Variants in CACNG2 observed in about 807,000 individuals in gnomAD.
CACNG2 encodes calcium voltage-gated channel auxiliary subunit gamma 2, also known as voltage-dependent calcium channel gamma-2 subunit.
CACNG2 carries 3 observed loss-of-function variants against 25.9 expected under a neutral mutation model. The observed-to-expected ratio is 0.12, with a 90% CI of 0.05 to 0.30. CACNG2 has a LOEUF of 0.30. Among genes scored for constraint, CACNG2 ranks in the 10% least tolerant of loss-of-function variants. The pLI is 1.00. For synonymous variants in CACNG2, 167 were observed against 173.3 expected, an observed-to-expected ratio of 0.96 and a Z score of 0.29; for missense variants, 341 against 432.5, an observed-to-expected ratio of 0.79 and a Z score of 1.88.
At chr22:36,653,576 G>A (rs1156869618) in intron 1 of CACNG2, among the ~76,000 whole-genome samples, 1 of 129,804 alleles carries the variant, frequency 7.7e-6, no homozygotes, top group East Asian at 1.9e-4. Flanking sequence ...AGAGGCTGTG[G>A]TGTCCAGCCT....
chr22:36,565,687 G>A (rs965466414), intron 3 of CACNG2, among the ~76,000 whole-genome samples: 5 of 152,244 alleles, frequency 3.3e-5, no homozygotes. Flanking sequence ...TTGAGGCCTC[G>A]CTGTGTTGCC....
chr22:36,607,256 T>C (rs1476364383), intron 1 of CACNG2, among the ~76,000 whole-genome samples: 1 of 152,112 alleles, frequency 6.6e-6, no homozygotes, highest in African/African-American at 2.4e-5. Flanking sequence ...CTTGGCCCTT[T>C]TCTTTTTTTG....
chr22:36,650,916 C>T (rs1163696910), intron 1 of CACNG2, among the ~76,000 whole-genome samples: 1 of 152,170 alleles, frequency 6.6e-6, no homozygotes, highest in Non-Finnish European at 1.5e-5. Flanking sequence ...TAGATATCTG[C>T]TATTTATTGT....
chr22:36,564,832 G>A lies in CACNG2; in HGVS notation c.491C>T (p.Pro164Leu). 6.2e-7 allele frequency: 1 copy of A among 1,614,158 alleles called. No homozygotes were observed. The highest frequency in any genetic ancestry group is 8.5e-7 in the Non-Finnish European group (1 of 1,180,042). The change falls in exon 4 of 4, where the codon CCC (proline) becomes CTC (leucine). Residue 164 changes from proline (P) to leucine (L), a missense_variant. Pro to Leu is a moderately conservative substitution (Grantham distance 98). This residue lies in a region of CACNG2 where 169 missense variants were observed against 254.4 expected (regional missense o/e 0.66). Coordinates refer to ENST00000300105, the MANE Select transcript of CACNG2 (RefSeq NM_006078.5). The surrounding 1 kb of genome is among the most constrained non-coding windows in gnomAD (Gnocchi z 6.7). ...ATTCTTTTTGGAGTCGCTCTTGGAG[G>A]GGTCTCCGGCATTGGCAGATATGTA... ...IVYISANAGD[P>L]SKSDSKKNSY...
chr22:36,669,637 GT>G, intron 1 of CACNG2, among the ~76,000 whole-genome samples: 1 of 151,926 alleles, frequency 6.6e-6, no homozygotes, highest in South Asian at 2.1e-4. Context: ...GCATGAGTGT[GT>G]GTGCTCATGT....
chr22:36,610,297 G>C (rs2267344), intron 1 of CACNG2, among the ~76,000 whole-genome samples: 114,752 of 141,386 alleles, frequency 0.81, 47,206 homozygotes, highest in East Asian at 0.96. Context: ...GGAATCAGCC[G>C]CTTAGAGCGT....
At chr22:36,668,723 TGA>T (rs1936907845) in intron 1 of CACNG2, among the ~76,000 whole-genome samples, 1 of 152,222 alleles carries the variant, frequency 6.6e-6, no homozygotes, top group East Asian at 1.9e-4. Flanking sequence ...CTCGAACTCC[TGA>T]GCTCAAGCGA....
intron 2 of CACNG2, among the ~76,000 whole-genome samples, chr22:36,576,755 C>T (rs1390574641): frequency 1.3e-5 from 2 of 152,130 alleles, no homozygotes; most frequent in African/African-American, 2.4e-5. Flanking sequence ...CCCCCACTGG[C>T]TCTGTAGCCT....
chr22:36,658,856 G>A (rs761596978), intron 1 of CACNG2, among the ~76,000 whole-genome samples: 1 of 152,120 alleles, frequency 6.6e-6, no homozygotes, highest in African/African-American at 2.4e-5. Flanking sequence ...GGGTGGTCAG[G>A]ACTGGCTCCC....
chr22:36,576,239 G>C (rs1480576566), intron 2 of CACNG2, among the ~76,000 whole-genome samples: 1 of 152,208 alleles, frequency 6.6e-6, no homozygotes, highest in African/African-American at 2.4e-5. Flanking sequence ...ACCTGGGTGA[G>C]ATCGGAGACT....
chr22:36,647,158 TTC>T (rs199795404), intron 1 of CACNG2, among the ~76,000 whole-genome samples: 1 of 151,940 alleles, frequency 6.6e-6, no homozygotes, highest in Non-Finnish European at 1.5e-5. Flanking sequence ...AGCCTTCCGC[TTC>T]TCTCTCTCTC....
intron 2 of CACNG2, among the ~76,000 whole-genome samples, chr22:36,571,517 C>T (rs1935223975): frequency 6.6e-6 from 1 of 151,796 alleles, no homozygotes; most frequent in South Asian, 2.1e-4. Context: ...GTCATAATCT[C>T]CATTTTAATG....
intron 1 of CACNG2, among the ~76,000 whole-genome samples, chr22:36,611,258 T>G (rs780020272): frequency 1.3e-5 from 2 of 152,150 alleles, no homozygotes; most frequent in African/African-American, 4.8e-5. Context: ...TTTTTGGCAT[T>G]TCTGGTAGAG....
At chr22:36,669,705 C>T (rs969781107) in intron 1 of CACNG2, among the ~76,000 whole-genome samples, 2 of 151,684 alleles carry the variant, frequency 1.3e-5, no homozygotes, top group Non-Finnish European at 1.5e-5. Flanking sequence ...AAATTTCATT[C>T]TCTCTCTGTC....
intron 1 of CACNG2, among the ~76,000 whole-genome samples, chr22:36,660,621 G>A (rs769597161): frequency 2.6e-5 from 4 of 152,192 alleles, no homozygotes; most frequent in African/African-American, 4.8e-5. Context: ...CACCAGCCTG[G>A]CCCCCCACCT....
intron 1 of CACNG2, among the ~76,000 whole-genome samples, chr22:36,593,278 T>C (rs1935624398): frequency 6.6e-6 from 1 of 152,174 alleles, no homozygotes; most frequent in Admixed American, 6.5e-5. Context: ...GAGGGGCTGA[T>C]TTCCTGGTTG....
intron 1 of CACNG2, among the ~76,000 whole-genome samples, chr22:36,700,477 C>T (rs115073517): frequency 2.4e-4 from 37 of 152,334 alleles, no homozygotes; most frequent in African/African-American, 8.9e-4. Flanking sequence ...TGTCTTGTCT[C>T]TCCTCTAGTC....
chr22:36,631,232 G>A (rs943638570), intron 1 of CACNG2, among the ~76,000 whole-genome samples: 3 of 152,178 alleles, frequency 2.0e-5, no homozygotes, highest in Non-Finnish European at 4.4e-5. Context: ...CTGGGTTCTG[G>A]AAGTTCACAG....
At chr22:36,627,489 G>C (rs1206250104) in intron 1 of CACNG2, among the ~76,000 whole-genome samples, 2 of 152,160 alleles carry the variant, frequency 1.3e-5, no homozygotes, top group East Asian at 3.8e-4. Context: ...AGCAAAAACT[G>C]CTTGTCAACC....
Sources: gnomAD v4.1 joint callset for allele counts (sites outside exome capture counted in the v4.1 genomes callset) on GRCh38, gnomAD v4.1.1 for gene constraint, gnomAD v4.1.1 regional missense constraint, Gnocchi (gnomAD v3.1) non-coding constraint, MANE v1.5 for transcripts, NCBI Gene and HGNC (gene_info 2026-07-23, HGNC 2026-07-21) for gene names.